Variants in CUX2 observed in about 807,000 individuals in gnomAD.
CUX2 encodes the protein homeobox protein cut-like 2.
CUX2 carries 40 observed loss-of-function variants against 144.8 expected under a neutral mutation model. The observed-to-expected ratio is 0.28, with a 90% CI of 0.21 to 0.36. The LOEUF is 0.36. Ranked by LOEUF, CUX2 falls within the 10% of genes least tolerant of loss-of-function variation. The pLI is 1.00. For missense variants in CUX2, 1,615 were observed against 1,994.0 expected (o/e 0.81, Z 3.62); for synonymous variants, 827 against 875.6 (o/e 0.94, Z 0.98).
intron 1 of CUX2, among the ~76,000 whole-genome samples, chr12:111,201,555 A>T (rs1880599155): frequency 6.6e-6 from 1 of 152,080 alleles, no homozygotes; most frequent in African/African-American, 2.4e-5. Flanking sequence ...TTTTCTTGGG[A>T]CTACGCCTGC....
At chr12:111,298,474 G>A in intron 8 of CUX2, 67 bp from the exon 9 acceptor site, 1 of 1,513,980 alleles carries the variant, frequency 6.6e-7, no homozygotes, top group South Asian at 1.2e-5. Context: ...GGCTGGGGGT[G>A]TCAGGAGGGG....
At chr12:111,121,375 T>TC (rs1464845930) in intron 1 of CUX2, among the ~76,000 whole-genome samples, 20 of 122,634 alleles carry the variant, frequency 1.6e-4, no homozygotes, top group African/African-American at 5.3e-4. Flanking sequence ...TTTTCTTTTT[T>TC]TTTTTTTTTT....
At chr12:111,123,787 C>T (rs1220802457) in intron 1 of CUX2, among the ~76,000 whole-genome samples, 1 of 152,162 alleles carries the variant, frequency 6.6e-6, no homozygotes, top group Admixed American at 6.5e-5. Context: ...CCCCCTGCCT[C>T]GGCCTCCCAA....
chr12:111,224,730 A>G, intron 3 of CUX2, among the ~76,000 whole-genome samples: 1 of 151,964 alleles, frequency 6.6e-6, no homozygotes, highest in South Asian at 2.1e-4. Flanking sequence ...AGGGGAGGCC[A>G]GGGAGCAGTG....
At chr12:111,237,582 A>G (rs1367445887) in intron 3 of CUX2, among the ~76,000 whole-genome samples, 1 of 152,178 alleles carries the variant, frequency 6.6e-6, no homozygotes, top group Non-Finnish European at 1.5e-5. Flanking sequence ...AGATGAATTT[A>G]TCCAGCAGCC....
chr12:111,130,500 G>C (rs996664825), intron 1 of CUX2, among the ~76,000 whole-genome samples: 1 of 152,212 alleles, frequency 6.6e-6, no homozygotes, highest in African/African-American at 2.4e-5. Flanking sequence ...TATACCCTTT[G>C]TATTTAGGTT....
In CUX2 at chr12:111,092,805, A is replaced by ATTTTT. The variant is rs528129107; in HGVS notation, c.63+58588_63+58592dup. ...GATAAGGAAACCAAAGCTCTGGCAG[A>ATTTTT]TTTTTTTTTTTTTTTTTTTTTTTTT... On this transcript the variant is annotated intron_variant, in intron 1 of 21. Transcript: ENST00000261726. 2.5e-3 allele frequency among the ~76,000 whole-genome samples: 263 copies of ATTTTT among 106,018 alleles called. 5 individuals carry two copies. Among genetic ancestry groups the ATTTTT allele is most frequent in the African/African-American group, 8.6e-3 (250 of 29,148 alleles). The allele number at this position is 106,018 out of a possible 152,430, so 69.6% of individuals were successfully genotyped here.
chr12:111,130,426 C>G (rs1353301024), intron 1 of CUX2, among the ~76,000 whole-genome samples: 2 of 152,252 alleles, frequency 1.3e-5, no homozygotes, highest in Non-Finnish European at 2.9e-5. Flanking sequence ...CTGACTGCTG[C>G]TTTGATGCTG....
At chr12:111,285,172 C>G (rs1451369025) in intron 4 of CUX2, among the ~76,000 whole-genome samples, 1 of 152,182 alleles carries the variant, frequency 6.6e-6, no homozygotes, top group Non-Finnish European at 1.5e-5. Context: ...TCACTCATCA[C>G]ATGTATCCAT....
intron 1 of CUX2, among the ~76,000 whole-genome samples, chr12:111,180,327 GA>G (rs770472315): frequency 9.2e-5 from 14 of 152,264 alleles, no homozygotes; most frequent in Non-Finnish European, 1.8e-4. Flanking sequence ...GACATGAGCA[GA>G]TCCCTCTACA....
At chr12:111,107,384 T>C (rs1873673379) in intron 1 of CUX2, among the ~76,000 whole-genome samples, 1 of 152,274 alleles carries the variant, frequency 6.6e-6, no homozygotes, top group Non-Finnish European at 1.5e-5. Context: ...TCCATTCTTC[T>C]TCAGGATTTC....
At position 111,186,119 on chromosome 12, in the gene CUX2, T is replaced by C. The variant is rs1879513245; in HGVS notation, c.64-28081T>C. On this transcript the variant is annotated intron_variant, in intron 1 of 21. Coordinates refer to ENST00000261726, the MANE Select transcript of CUX2 (RefSeq NM_015267.4). This position sits in a 1 kb window ranked among gnomAD's most constrained non-coding sequence, Gnocchi z 4.4. ...CCCTTTCTGTCTCCGTCTCACTAGA[T>C]TTCGCTTTCACGTCCTCTCTCGGCA... is the stretch of plus-strand genomic sequence containing the variant. Among the ~76,000 whole-genome samples, 1 of 152,004 alleles carries C rather than the reference T, an allele frequency of 6.6e-6. No individual in the cohort carries two copies. Among genetic ancestry groups the C allele is most frequent in the South Asian group, 2.1e-4 (1 of 4,806 alleles).
intron 1 of CUX2, among the ~76,000 whole-genome samples, chr12:111,185,851 GC>G (rs1371933311): frequency 6.6e-6 from 1 of 152,132 alleles, no homozygotes; most frequent in Non-Finnish European, 1.5e-5. Flanking sequence ...GTCCGAGGGG[GC>G]TGCCTGCAAT....
At chr12:111,203,060 C>T (rs1880691403) in intron 1 of CUX2, among the ~76,000 whole-genome samples, 1 of 151,870 alleles carries the variant, frequency 6.6e-6, no homozygotes, top group Non-Finnish European at 1.5e-5. Flanking sequence ...GGTGAAACCC[C>T]ATCTCTACTA....
At chr12:111,096,409 A>G (rs992496156) in intron 1 of CUX2, among the ~76,000 whole-genome samples, 6 of 152,332 alleles carry the variant, frequency 3.9e-5, no homozygotes, top group Admixed American at 1.3e-4. Context: ...TGGCCACCAC[A>G]GAGCAGAGTG....
intron 19 of CUX2, among the ~76,000 whole-genome samples, chr12:111,336,614 AT>A (rs931757889): frequency 6.6e-6 from 1 of 151,618 alleles, no homozygotes; most frequent in African/African-American, 2.4e-5. Context: ...CTCCTGGCTA[AT>A]TTTTTTATTT....
chr12:111,157,317 A>T (rs892283308), intron 1 of CUX2, among the ~76,000 whole-genome samples: 2 of 150,980 alleles, frequency 1.3e-5, no homozygotes, highest in Admixed American at 6.6e-5. Flanking sequence ...TGTGCCAGGC[A>T]CTAGTTGGGA....
At chr12:111,042,435 G>A (rs888876349) in intron 1 of CUX2, among the ~76,000 whole-genome samples, 2 of 152,078 alleles carry the variant, frequency 1.3e-5, no homozygotes, top group Non-Finnish European at 2.9e-5. Flanking sequence ...GTGAGCTGCG[G>A]AATCAAGCCC....
At chr12:111,203,426 T>C (rs1880727285) in intron 1 of CUX2, among the ~76,000 whole-genome samples, 1 of 151,464 alleles carries the variant, frequency 6.6e-6, no homozygotes, top group East Asian at 1.9e-4. Context: ...ACGCCAGTAG[T>C]CCTAGCTACT....
Sources: allele counts gnomAD v4.1 joint callset (sites outside exome capture counted in the v4.1 genomes callset), GRCh38; gene constraint gnomAD v4.1.1; non-coding constraint Gnocchi (gnomAD v3.1); transcripts MANE v1.5; gene names NCBI Gene and HGNC (gene_info 2026-07-23, HGNC 2026-07-21).